The following LRRC42 variants were observed in gnomAD, a reference collection of about 807,000 sequenced individuals.
LRRC42 encodes the protein leucine-rich repeat-containing protein 42.
LRRC42 carries 43 observed loss-of-function variants against 44.3 expected under a neutral mutation model. The observed-to-expected ratio is 0.97, with a 90% confidence interval of 0.76 to 1.25. The LOEUF is 1.25. LRRC42 is among the 50% of genes most tolerant of loss of function. The probability of loss-of-function intolerance (pLI) is 0.00; values close to 1 mark genes in which losing one functional copy is unlikely to be tolerated. For missense variants in LRRC42, 540 were observed against 509.1 expected (o/e 1.06, Z -0.58); for synonymous variants, 207 against 195.2 (o/e 1.06, Z -0.50).
chr1:53,950,617 A>G (rs1178406664), intron 2 of LRRC42, among the ~76,000 whole-genome samples: 3 of 152,228 alleles, frequency 2.0e-5, no homozygotes, highest in African/African-American at 4.8e-5. Flanking sequence ...TAGGGATATT[A>G]TCAGGCATGT....
chr1:53,965,086 A>G (rs914229027), intron 7 of LRRC42, among the ~76,000 whole-genome samples: 20 of 149,600 alleles, frequency 1.3e-4, no homozygotes, highest in Non-Finnish European at 2.4e-4. Flanking sequence ...GCTCACTGCA[A>G]CCTCCACCTC....
chr1:53,948,670 A>G (rs975610205), intron 2 of LRRC42, among the ~76,000 whole-genome samples: 3 of 152,140 alleles, frequency 2.0e-5, no homozygotes, highest in Non-Finnish European at 2.9e-5. Context: ...GTGACTAAGT[A>G]TTTTAATTTT....
chr1:53,953,174 T>A lies in LRRC42; in HGVS notation c.473+702T>A, dbSNP rs545748255. Among the ~76,000 whole-genome samples, 29 of 152,336 alleles carry A rather than the reference T, an allele frequency of 1.9e-4. No individual in the cohort carries two copies. In the East Asian group the frequency reaches 5.2e-3, roughly 27 times the overall value. On this transcript the variant is annotated intron_variant, in intron 3 of 8. Transcript: ENST00000371370. ...GCCTTCTTCCTATCTCATCTCCAGT[T>A]TCCTCTCTCCAGAGACCAAATGCTG...
chr1:53,957,868 GC>G (rs1469498552), intron 3 of LRRC42, among the ~76,000 whole-genome samples: 1 of 152,122 alleles, frequency 6.6e-6, no homozygotes. Context: ...TGATAACAAA[GC>G]AGGTGTTTCA....
chr1:53,953,971 G>A (rs1008837415), intron 3 of LRRC42, among the ~76,000 whole-genome samples: 1 of 151,806 alleles, frequency 6.6e-6, no homozygotes, highest in African/African-American at 2.4e-5. Flanking sequence ...GACCTCAGGT[G>A]ATCCACCGGC....
intron 3 of LRRC42, among the ~76,000 whole-genome samples, chr1:53,957,674 T>C (rs1341035465): frequency 6.6e-6 from 1 of 152,232 alleles, no homozygotes; most frequent in Non-Finnish European, 1.5e-5. Context: ...AAATATCTCT[T>C]GGTATGTTCT....
chr1:53,948,503 A>G (rs1227692877), intron 2 of LRRC42, among the ~76,000 whole-genome samples: 1 of 152,242 alleles, frequency 6.6e-6, no homozygotes, highest in South Asian at 2.1e-4. Flanking sequence ...ACCAAATGCT[A>G]GAACATACAT....
chr1:53,966,341 CG>C lies in LRRC42; in HGVS notation c.976del (p.Glu326ArgfsTer23). On this transcript the variant is annotated frameshift_variant, in exon 8 of 9. Coordinates refer to ENST00000371370, the MANE Select transcript of LRRC42 (RefSeq NM_001256409.2). LOFTEE classifies it high-confidence loss of function. ...TGTGACTGCGGAAGCTGTGAAGCCACGGGAGACCTCGGAGCCTAGAGCAGCA... is the reference window on the plus strand; with the variant it reads ...TGTGACTGCGGAAGCTGTGAAGCCACGGAGACCTCGGAGCCTAGAGCAGCA... ...ERVTAEAVKPRETSEPRAAAQ... is the reference protein window; with the variant it reads ...ERVTAEAVKPXETSEPRAAAQ... The C allele has an allele frequency of 1.2e-6, 2 of 1,613,948 alleles. No individual in the cohort carries two copies. The highest frequency in any genetic ancestry group is 1.3e-5 in the African/African-American group (1 of 75,054).
chr1:53,961,017 C>G (rs1356760540), intron 5 of LRRC42, among the ~76,000 whole-genome samples: 2 of 152,178 alleles, frequency 1.3e-5, no homozygotes, highest in Non-Finnish European at 2.9e-5. Flanking sequence ...GTCTGAGGAC[C>G]CTTCTTGGTC....
Position 53,967,656 on chromosome 1 carries a change from C to CT in LRRC42, c.1013-8dup, listed in dbSNP as rs1655162729. 2 of 1,612,842 alleles carry CT rather than the reference C, an allele frequency of 1.2e-6. No homozygotes were observed. Among genetic ancestry groups the CT allele is most frequent in the Admixed American group, 3.3e-5 (2 of 59,888 alleles). On this transcript the variant is annotated splice_polypyrimidine_tract_variant and intron_variant, in intron 8 of 8. Coordinates refer to ENST00000371370, the MANE Select transcript of LRRC42 (RefSeq NM_001256409.2). ...GTAGTGAACTCATCATCCCTCCCTT[C>CT]TGTCACAGATGGGAAGCGGTCTCGA...
At chr1:53,966,441 G>A (rs1303378154) in intron 8 of LRRC42, 61 bp downstream of exon 8, 9 of 1,182,390 alleles carry the variant, frequency 7.6e-6, no homozygotes, top group East Asian at 4.7e-5. Flanking sequence ...AAAGCAGTTC[G>A]CTTGTTTTCC....
intron 2 of LRRC42, among the ~76,000 whole-genome samples, chr1:53,948,622 A>C (rs1207597874): frequency 6.6e-6 from 1 of 152,164 alleles, no homozygotes; most frequent in Non-Finnish European, 1.5e-5. Flanking sequence ...TATATAATAC[A>C]GCTACTACGA....
rs149470113 is a variant in LRRC42, at chr1:53,966,619, A to G, written c.1012+239A>G. 7.9e-3 allele frequency among the ~76,000 whole-genome samples: 1,200 copies of G among 152,314 alleles called. 12 individuals are homozygous for G. Among genetic ancestry groups the G allele is most frequent in the African/African-American group, 0.028 (1,145 of 41,574 alleles). On this transcript the variant is annotated intron_variant, in intron 8 of 8. Coordinates refer to ENST00000371370, the MANE Select transcript of LRRC42 (RefSeq NM_001256409.2). ...TACGTACCATCTTGTTCCAAAAAAGATTTGTGGTGGTACAAAAGCTATATA... is the reference window on the plus strand; with the variant it reads ...TACGTACCATCTTGTTCCAAAAAAGGTTTGTGGTGGTACAAAAGCTATATA...
intron 6 of LRRC42, 79 bp from the exon 7 acceptor site, chr1:53,962,217 A>G (rs1655015249): frequency 3.5e-6 from 5 of 1,432,574 alleles, no homozygotes; most frequent in Middle Eastern, 1.7e-4. Flanking sequence ...GGTATTTATG[A>G]TGGTCTTTAT....
At chr1:53,967,471 C>CA (rs1316454690) in intron 8 of LRRC42, among the ~76,000 whole-genome samples, 194 bp from the exon 9 acceptor site, 1 of 152,204 alleles carries the variant, frequency 6.6e-6, no homozygotes, top group Non-Finnish European at 1.5e-5. Context: ...CCAAATCTGT[C>CA]AGACTGTAGT....
At chr1:53,958,313 TTTCAGTATTGTTTTAA>T in intron 4 of LRRC42, 33 bp downstream of exon 4, 1 of 1,610,632 alleles carries the variant, frequency 6.2e-7, no homozygotes, top group Non-Finnish European at 8.5e-7. Context: ...AGATGAATTG[TTTCAGTATTGTTTTAA>T]AGGCTGATCC....
intron 2 of LRRC42, among the ~76,000 whole-genome samples, chr1:53,949,766 T>TATATTGCTACTGCTCCC (rs1654622233): frequency 6.6e-6 from 1 of 152,200 alleles, no homozygotes; most frequent in East Asian, 1.9e-4. Flanking sequence ...CCCCTTGTAG[T>TATATTGCTACTGCTCCC]ACCAGTAGCA....
chr1:53,963,447 C>T (rs1373744621), intron 7 of LRRC42, among the ~76,000 whole-genome samples: 1 of 152,206 alleles, frequency 6.6e-6, no homozygotes, highest in Non-Finnish European at 1.5e-5. Flanking sequence ...AAGACCTGGG[C>T]ATGGAATCCT....
chr1:53,966,409 T>G, intron 8 of LRRC42, 29 bp downstream of exon 8: 2 of 1,565,856 alleles, frequency 1.3e-6, no homozygotes, highest in Non-Finnish European at 1.8e-6. Flanking sequence ...TTTGAAGTTT[T>G]TTGCCCTTTA....
Sources: gnomAD v4.1 joint callset for allele counts (sites outside exome capture counted in the v4.1 genomes callset) on GRCh38, gnomAD v4.1.1 for gene constraint, MANE v1.5 for transcripts, NCBI Gene and HGNC (gene_info 2026-07-23, HGNC 2026-07-21) for gene names.